Variants in MPHOSPH10 observed in about 807,000 individuals in gnomAD.
MPHOSPH10 encodes the protein U3 small nucleolar ribonucleoprotein MPP10.
In MPHOSPH10, 33 loss-of-function variants were observed where a neutral mutation model predicts 77.3. The ratio of observed to expected loss-of-function variants is 0.43; its 90% confidence interval spans 0.32 to 0.57. MPHOSPH10 has a LOEUF of 0.57. MPHOSPH10 is among the 20% of genes least tolerant of loss of function. The pLI, the probability that MPHOSPH10 is intolerant of heterozygous loss-of-function variation, is 0.07. For synonymous variants in MPHOSPH10, 245 were observed against 268.0 expected, an observed-to-expected ratio of 0.91 and a Z score of 0.84; for missense variants, 708 against 780.1, an observed-to-expected ratio of 0.91 and a Z score of 1.10.
chr2:71,141,416 G>C (rs769898596), intron 7 of MPHOSPH10, 47 bp downstream of exon 7: 4 of 1,399,074 alleles, frequency 2.9e-6, no homozygotes, highest in Non-Finnish European at 2.8e-6. Context: ...AGAAATAGAA[G>C]TAGAGAACTA....
chr2:71,139,009 G>A, intron 5 of MPHOSPH10: 1 of 474,652 alleles, frequency 2.1e-6, no homozygotes, highest in Non-Finnish European at 3.8e-6. Context: ...GCTCCAGCGT[G>A]GGCAGCCTGG....
intron 5 of MPHOSPH10, 125 bp from the exon 6 acceptor site, chr2:71,139,670 G>A: frequency 3.1e-6 from 2 of 636,218 alleles, no homozygotes; most frequent in Non-Finnish European, 2.7e-6. Flanking sequence ...AAGTATGGGG[G>A]TGGCCCAGGA....
Position 71,130,736 on chromosome 2 carries a change from G to A in MPHOSPH10, c.71G>A (p.Arg24Gln), listed in dbSNP as rs1184608627. Reference protein sequence around the residue: ...CLTEVGKATGRPECFLTIQEG... With the variant: ...CLTEVGKATGQPECFLTIQEG... ...ACGGAAGTCGGCAAAGCCACGGGTC[G>A]GCCCGAGTGCTTCCTCACGTAAGTG... Residue 24 changes from arginine (R) to glutamine (Q), a missense_variant, in exon 1 of 11, where the codon CGG becomes CAG. Around this residue, in one of 3 missense-constraint regions of MPHOSPH10, gnomAD observed 433 missense variants for 432.6 expected, o/e 1.00. Transcript: ENST00000244230. 2 of 1,609,730 alleles carry A rather than the reference G, an allele frequency of 1.2e-6. No individual in the cohort carries two copies. Among genetic ancestry groups the A allele is most frequent in the Admixed American group, 1.7e-5 (1 of 59,948 alleles).
rs117203553 is a variant in MPHOSPH10, at chr2:71,148,767, T to G, written c.1666-456T>G. ...GGCTGGCAGCTGAGGAGAAAAGAGA[T>G]AGAATTGATCCTCACTAGAGAGATG... On this transcript the variant is annotated intron_variant, in intron 9 of 10. Coordinates refer to ENST00000244230, the MANE Select transcript of MPHOSPH10 (RefSeq NM_005791.3). 3.7e-3 allele frequency: 615 copies of G among 167,992 alleles called. 20 individuals are homozygous for G. The East Asian group carries it at 0.074, about 20-fold the overall frequency. 10.4% of individuals were successfully genotyped at this position (167,992 alleles called of 1,614,324 possible).
In MPHOSPH10 at chr2:71,133,022, G is replaced by T. The variant is rs1322508467; in HGVS notation, c.214G>T (p.Asp72Tyr). 6.2e-7 allele frequency: 1 copy of T among 1,614,022 alleles called. No homozygotes were observed. ...GCAAAAACTTGTGATAGAAAATTTT[G>T]ATGATGAGCAGATTTGGCAACAACT... ...PLQKLVIENF[D>Y]DEQIWQQLEL... Residue 72 changes from aspartate (D) to tyrosine (Y), a missense_variant, in exon 2 of 11, where the codon GAT becomes TAT. This residue lies in a region of MPHOSPH10 where 433 missense variants were observed against 432.6 expected (regional missense o/e 1.00). Transcript: ENST00000244230.
At chr2:71,144,394 G>A (rs759150308) in intron 7 of MPHOSPH10, 34 bp from the exon 8 acceptor site, 61 of 1,490,790 alleles carry the variant, frequency 4.1e-5, no homozygotes, top group Admixed American at 6.8e-5. Context: ...ATATCAAGTC[G>A]CTTAGTTTGA....
At chr2:71,137,929 T>TA (rs1182700204) in intron 4 of MPHOSPH10, among the ~76,000 whole-genome samples, 1 of 151,796 alleles carries the variant, frequency 6.6e-6, no homozygotes, top group Non-Finnish European at 1.5e-5. Flanking sequence ...CCGTCTCTAC[T>TA]AAAAAATACA....
At chr2:71,144,200 T>C (rs1204663745) in intron 7 of MPHOSPH10, 11 of 343,518 alleles carry the variant, frequency 3.2e-5, no homozygotes, top group African/African-American at 2.4e-4. Flanking sequence ...TTTTAAGTTC[T>C]GAGTATTAGA....
chr2:71,144,867 C>T (rs779390375), intron 8 of MPHOSPH10, among the ~76,000 whole-genome samples: 2 of 152,216 alleles, frequency 1.3e-5, no homozygotes, highest in Non-Finnish European at 2.9e-5. Flanking sequence ...TCTCAGTCTT[C>T]TGTTGCATTT....
chr2:71,137,680 AT>A lies in MPHOSPH10; in HGVS notation c.1099-808del, dbSNP rs1673524197. On this transcript the variant is annotated intron_variant, in intron 4 of 10. Transcript: ENST00000244230. ...TCAAAAAAAAAAAAAAAAAAAAAAG[AT>A]TAGGAATACTGCAGATGTATTTATA... Among the ~76,000 whole-genome samples the A allele has an allele frequency of 2.7e-5, 4 of 146,800 alleles. No individual in the cohort carries two copies. In the South Asian group the frequency reaches 6.5e-4, roughly 24 times the overall value.
At position 71,138,701 on chromosome 2, in the gene MPHOSPH10, G is replaced by T; in HGVS notation, c.1240+70G>T. 2.5e-6 allele frequency: 4 copies of T among 1,596,644 alleles called. No individual in the cohort carries two copies. The South Asian group carries it at 3.3e-5, about 13-fold the overall frequency. On this transcript the variant is annotated intron_variant, in intron 5 of 10. Coordinates refer to ENST00000244230, the MANE Select transcript of MPHOSPH10 (RefSeq NM_005791.3). Reference sequence around the variant, plus strand: ...TGGTTCCATTTCATACAAAGATTTGGGGTGGTGTTTCTTTTCCCTCAACTT... The same window carrying T: ...TGGTTCCATTTCATACAAAGATTTGTGGTGGTGTTTCTTTTCCCTCAACTT...
At chr2:71,147,164 T>A (rs1673731536) in intron 8 of MPHOSPH10, among the ~76,000 whole-genome samples, 1 of 152,236 alleles carries the variant, frequency 6.6e-6, no homozygotes, top group African/African-American at 2.4e-5. Flanking sequence ...TTGACTCTTG[T>A]TCCCGTAAGC....
At chr2:71,146,154 AAGG>A (rs1378001152) in intron 8 of MPHOSPH10, among the ~76,000 whole-genome samples, 12 of 152,172 alleles carry the variant, frequency 7.9e-5, no homozygotes, top group African/African-American at 2.9e-4. Context: ...CTGGGAAGTG[AAGG>A]AGAAGTGAAT....
chr2:71,137,829 C>T (rs114465755), intron 4 of MPHOSPH10, among the ~76,000 whole-genome samples: 3,121 of 152,246 alleles, frequency 0.02, 92 homozygotes, highest in African/African-American at 0.063. Flanking sequence ...GCATTTTATA[C>T]ACTGAAGTCA....
intron 4 of MPHOSPH10, among the ~76,000 whole-genome samples, chr2:71,136,962 A>G (rs1673508318): frequency 7.2e-6 from 1 of 138,650 alleles, no homozygotes. Context: ...ACACACACAG[A>G]GCACAGTCTC....
chr2:71,142,417 G>A (rs1278943779), intron 7 of MPHOSPH10, among the ~76,000 whole-genome samples: 1 of 152,212 alleles, frequency 6.6e-6, no homozygotes, highest in Non-Finnish European at 1.5e-5. Context: ...ATGACCACGA[G>A]AATTAAAAAT....
intron 3 of MPHOSPH10, 36 bp from the exon 4 acceptor site, chr2:71,134,590 A>C: frequency 1.3e-6 from 2 of 1,541,952 alleles, no homozygotes; most frequent in Non-Finnish European, 1.8e-6. Context: ...AATGGAAAGT[A>C]GTATATTTCT....
chr2:71,143,472 G>A (rs1454058035), intron 7 of MPHOSPH10, among the ~76,000 whole-genome samples: 1 of 152,034 alleles, frequency 6.6e-6, no homozygotes, highest in Non-Finnish European at 1.5e-5. Context: ...TAATTGATGT[G>A]AGATTTATAT....
rs759601782 is a variant in MPHOSPH10 at position 71,130,785 on chromosome 2, G to A, written c.89+31G>A. 2.5e-6 allele frequency: 4 copies of A among 1,580,272 alleles called. No homozygotes were observed. The African/African-American group carries it at 4.0e-5, about 16-fold the overall frequency. On this transcript the variant is annotated intron_variant, in intron 1 of 10. Coordinates refer to ENST00000244230, the MANE Select transcript of MPHOSPH10 (RefSeq NM_005791.3). ...TGCGCAGATCCCGGGCTCGGGGTGC[G>A]ACCGGGGTCTCACGTGGACGCGGGT...
Sources: gnomAD v4.1 joint callset for allele counts (sites outside exome capture counted in the v4.1 genomes callset) on GRCh38, gnomAD v4.1.1 for gene constraint, gnomAD v4.1.1 regional missense constraint, MANE v1.5 for transcripts, NCBI Gene and HGNC (gene_info 2026-07-23, HGNC 2026-07-21) for gene names.